Variants in ENTPD6 observed in about 807,000 individuals in gnomAD.
ENTPD6 encodes ectonucleoside triphosphate diphosphohydrolase 6, also known as CD39 antigen-like 2.
Under a neutral mutation model 61.5 loss-of-function variants are expected in ENTPD6, and 46 were observed. The ratio of observed to expected loss-of-function variants is 0.75; its 90% CI spans 0.59 to 0.96. The LOEUF (loss-of-function observed/expected upper bound fraction) is 0.96, where lower values mean the gene tolerates loss of function less well. Among genes scored for constraint, ENTPD6 ranks in the 40% least tolerant of loss-of-function variants. ENTPD6 has a pLI of 0.00. For missense variants in ENTPD6, 612 were observed against 629.0 expected (o/e 0.97, Z 0.29); for synonymous variants, 252 against 255.5 (o/e 0.99, Z 0.13).
intron 9 of ENTPD6, 111 bp from the exon 10 acceptor site, chr20:25,218,439 C>T: frequency 1.1e-6 from 1 of 932,798 alleles, no homozygotes. Flanking sequence ...AGCTCACTAA[C>T]TGCCTTGCTG....
chr20:25,213,760 G>T (rs6115090), intron 5 of ENTPD6, among the ~76,000 whole-genome samples: 5,684 of 152,240 alleles, frequency 0.037, 180 homozygotes, highest in African/African-American at 0.089. Flanking sequence ...GGCCAGCCTG[G>T]CCAACATAGC....
chr20:25,217,330 T>C (rs1488879497), intron 8 of ENTPD6, among the ~76,000 whole-genome samples, 172 bp from the exon 9 acceptor site: 4 of 152,158 alleles, frequency 2.6e-5, no homozygotes, highest in Admixed American at 2.6e-4. Flanking sequence ...CGTTCTTCAC[T>C]GGGATATTGG....
At position 25,213,259 on chromosome 20, in the gene ENTPD6, A is replaced by G. The variant is rs368749609; in HGVS notation, c.454-4A>G. 2.5e-5 allele frequency: 41 copies of G among 1,614,216 alleles called. No homozygotes were observed. The African/African-American group carries it at 4.8e-4, about 19-fold the overall frequency. Reference sequence around the variant, plus strand: ...ACCCTGCTTTGCTCTTACCACGTTCACAGAGCGCTCAGGGAATCCGGGAAC... The same window carrying G: ...ACCCTGCTTTGCTCTTACCACGTTCGCAGAGCGCTCAGGGAATCCGGGAAC... On this transcript the variant is annotated splice_region_variant and splice_polypyrimidine_tract_variant and intron_variant, in intron 4 of 14. Coordinates refer to ENST00000376652, the MANE Select transcript of ENTPD6 (RefSeq NM_001247.5).
intron 5 of ENTPD6, 84 bp downstream of exon 5, chr20:25,213,490 G>T: frequency 2.2e-6 from 3 of 1,386,916 alleles, no homozygotes; most frequent in Non-Finnish European, 2.9e-6. Context: ...CACCAGTGCC[G>T]CACCATCAGG....
chr20:25,218,574 G>C lies in ENTPD6; in HGVS notation c.903G>C (p.Ser301=). ...SYSYLGLGLM[S]ARLAILGGVE... ...GCTACCTCGGGCTCGGGCTGATGTC[G>C]GCACGCCTGGCGATCCTGGGCGGCG... Residue 301 remains serine (S), a synonymous_variant, in exon 10 of 15, where the codon TCG becomes TCC. Transcript: ENST00000376652. 1.2e-6 allele frequency: 2 copies of C among 1,608,070 alleles called. No homozygotes were observed. The highest frequency in any genetic ancestry group is 1.7e-6 in the Non-Finnish European group (2 of 1,178,914).
intron 3 of ENTPD6, among the ~76,000 whole-genome samples, chr20:25,208,390 G>A (rs2091684876): frequency 6.6e-6 from 1 of 152,182 alleles, no homozygotes; most frequent in African/African-American, 2.4e-5. Context: ...AGTTTGCAGT[G>A]AGCCAAGATC....
intron 2 of ENTPD6, 57 bp from the exon 3 acceptor site, chr20:25,207,019 C>G (rs372673002): frequency 6.7e-7 from 1 of 1,496,886 alleles, no homozygotes; most frequent in East Asian, 2.3e-5. Context: ...ACGTCTGACT[C>G]TCCTTGGATC....
chr20:25,215,028 C>T (rs1238751909), intron 6 of ENTPD6, 86 bp downstream of exon 6: 4 of 853,788 alleles, frequency 4.7e-6, no homozygotes, highest in African/African-American at 3.3e-5. Flanking sequence ...CATCCGCCAC[C>T]CCTCCCCGCC....
In ENTPD6 at chr20:25,227,381, C is replaced by A. The variant is rs2092814992; in HGVS notation, c.*1784C>A. Among the ~76,000 whole-genome samples, 2 of 152,172 alleles carry A rather than the reference C, an allele frequency of 1.3e-5. No homozygotes were observed. The highest frequency in any genetic ancestry group is 2.9e-5 in the Non-Finnish European group (2 of 68,032). On this transcript the variant is annotated 3_prime_UTR_variant, in exon 15 of 15. Coordinates refer to ENST00000376652, the MANE Select transcript of ENTPD6 (RefSeq NM_001247.5). ...AGAATCAGACGCATGAAGGTAAAGC[C>A]AAAATCAATTTGGTCCATTTAAAGA...
intron 5 of ENTPD6, among the ~76,000 whole-genome samples, chr20:25,214,350 C>A (rs1600607861): frequency 6.6e-6 from 1 of 152,128 alleles, no homozygotes; most frequent in Non-Finnish European, 1.5e-5. Flanking sequence ...CAAGGAAATA[C>A]CCCCCGAGGC....
At chr20:25,220,092 G>C (rs2092563397) in intron 10 of ENTPD6, among the ~76,000 whole-genome samples, 1 of 152,102 alleles carries the variant, frequency 6.6e-6, no homozygotes, top group African/African-American at 2.4e-5. Flanking sequence ...CTCCTCGTCA[G>C]GCTGTACAAA....
At chr20:25,212,445 C>T (rs1479341752) in intron 4 of ENTPD6, among the ~76,000 whole-genome samples, 3 of 152,212 alleles carry the variant, frequency 2.0e-5, no homozygotes, top group African/African-American at 7.2e-5. Flanking sequence ...CAGGCTTATT[C>T]TCCTGACCTG....
intron 10 of ENTPD6, among the ~76,000 whole-genome samples, chr20:25,220,611 CTT>C (rs1485088411): frequency 6.6e-6 from 1 of 152,228 alleles, no homozygotes; most frequent in East Asian, 1.9e-4. Context: ...GCCTGGGACA[CTT>C]TTGTGGTGGC....
At chr20:25,213,973 G>A (rs1301951554) in intron 5 of ENTPD6, among the ~76,000 whole-genome samples, 1 of 152,158 alleles carries the variant, frequency 6.6e-6, no homozygotes, top group African/African-American at 2.4e-5. Flanking sequence ...AAAGCGCATG[G>A]TGCCTTCAAG....
In ENTPD6 at chr20:25,207,331, A is replaced by T; in HGVS notation, c.310A>T (p.Ile104Phe). The T allele has an allele frequency of 6.3e-7, 1 of 1,585,330 alleles. No homozygotes were observed. Among genetic ancestry groups the T allele is most frequent in the Non-Finnish European group, 8.6e-7 (1 of 1,160,394 alleles). Reference sequence around the variant, plus strand: ...AGACGGGCACGAGGTCTTCTACGGGATCATGTTTGATGCAGGAAGCACTGG... The same window carrying T: ...AGACGGGCACGAGGTCTTCTACGGGTTCATGTTTGATGCAGGAAGCACTGG... ...AADGHEVFYG[I>F]MFDAGSTGTR... is the part of the protein sequence containing the mutation. Residue 104 changes from isoleucine to phenylalanine, a missense_variant, in exon 3 of 15, where the codon ATC becomes TTC. Ile to Phe is a conservative substitution (Grantham distance 21). Transcript: ENST00000376652.
At chr20:25,225,467 G>A (rs1253689212) in intron 14 of ENTPD6, 32 bp from the exon 15 acceptor site, 2 of 1,604,750 alleles carry the variant, frequency 1.2e-6, no homozygotes, top group South Asian at 1.1e-5. Flanking sequence ...CTGTCTGTGT[G>A]ATGGTCCCCT....
In ENTPD6 at chr20:25,221,085, G is replaced by T. The variant is rs112632067; in HGVS notation, c.944-147G>T. On this transcript the variant is annotated intron_variant, in intron 10 of 14. Transcript: ENST00000376652. ...AACGAGGCTTTGCTGCCACTTCCCAGGGAGGTGTTGCCTTCCCAGTGGACC... is the reference window on the plus strand; with the variant it reads ...AACGAGGCTTTGCTGCCACTTCCCATGGAGGTGTTGCCTTCCCAGTGGACC... 8.0e-6 allele frequency: 5 copies of T among 622,732 alleles called. No homozygotes were observed. The South Asian group carries it at 9.9e-5, about 12-fold the overall frequency. 38.6% of individuals were successfully genotyped at this position (622,732 alleles called of 1,614,324 possible). A position where few individuals can be genotyped will look rare whatever the true frequency, so the allele number is the denominator to read the frequency against.
intron 4 of ENTPD6, among the ~76,000 whole-genome samples, chr20:25,211,687 A>G (rs1255170277): frequency 6.6e-6 from 1 of 152,220 alleles, no homozygotes; most frequent in Non-Finnish European, 1.5e-5. Context: ...ACCTCATGGA[A>G]CCAGTCCTCT....
Position 25,225,934 on chromosome 20 carries a change from G to A in ENTPD6, c.*337G>A, listed in dbSNP as rs1361863349. 4.7e-6 allele frequency: 1 copy of A among 213,000 alleles called. No homozygotes were observed. 13.2% of individuals were successfully genotyped at this position (213,000 alleles called of 1,614,324 possible). On this transcript the variant is annotated 3_prime_UTR_variant, in exon 15 of 15. Coordinates refer to ENST00000376652, the MANE Select transcript of ENTPD6 (RefSeq NM_001247.5). ...CCCATGCCCCGTCCGCGGGGCTGTG[G>A]CTGCTGCTGTGCATGTCCCTGCGAT...
Sources: allele counts gnomAD v4.1 joint callset (sites outside exome capture counted in the v4.1 genomes callset), GRCh38; gene constraint gnomAD v4.1.1; transcripts MANE v1.5; gene names NCBI Gene and HGNC (gene_info 2026-07-23, HGNC 2026-07-21).